The following CACNB2 variants were observed in gnomAD, a reference collection of about 807,000 sequenced individuals.
CACNB2 encodes the protein calcium voltage-gated channel auxiliary subunit beta 2.
CACNB2 carries 42 observed loss-of-function variants against 73.3 expected under a neutral mutation model. The ratio of observed to expected loss-of-function variants is 0.57; its 90% CI spans 0.45 to 0.74. The LOEUF (loss-of-function observed/expected upper bound fraction) is 0.74. CACNB2 is among the 30% of genes least tolerant of loss of function. CACNB2 has a pLI of 0.00. For missense variants in CACNB2, 940 were observed against 853.0 expected (o/e 1.10, Z -1.27); for synonymous variants, 348 against 310.3 (o/e 1.12, Z -1.28).
intron 1 of CACNB2, among the ~76,000 whole-genome samples, chr10:18,141,790 T>C (rs2030441974): frequency 6.6e-6 from 1 of 152,226 alleles, no homozygotes. Context: ...GACTCCTAGC[T>C]GCGGGCTGGC....
At chr10:18,437,520 A>T (rs902382725) in intron 3 of CACNB2, among the ~76,000 whole-genome samples, 1 of 152,214 alleles carries the variant, frequency 6.6e-6, no homozygotes, top group Non-Finnish European at 1.5e-5. Flanking sequence ...ACATGAGAAG[A>T]TCACAAAGGT....
chr10:18,464,542 G>A (rs980266928), intron 3 of CACNB2, among the ~76,000 whole-genome samples: 1 of 150,978 alleles, frequency 6.6e-6, no homozygotes, highest in African/African-American at 2.4e-5. Context: ...TACCCAAATC[G>A]GAGCACCTGA....
intron 2 of CACNB2, among the ~76,000 whole-genome samples, chr10:18,380,452 C>CTTTTTTTTT (rs757792853): frequency 1.8e-5 from 2 of 111,022 alleles, no homozygotes; most frequent in Non-Finnish European, 1.8e-5. Context: ...ATGTGTTTTT[C>CTTTTTTTTT]TTTTTTTTTT....
chr10:18,164,293 C>T (rs1317231941), intron 2 of CACNB2, among the ~76,000 whole-genome samples: 1 of 152,150 alleles, frequency 6.6e-6, no homozygotes, highest in South Asian at 2.1e-4. Flanking sequence ...GACTAATAGA[C>T]GTTTTCCCTT....
intron 3 of CACNB2, among the ~76,000 whole-genome samples, chr10:18,428,115 A>G (rs908328450): frequency 6.6e-6 from 1 of 152,150 alleles, no homozygotes; most frequent in Admixed American, 6.5e-5. Flanking sequence ...TGAGTTATCT[A>G]TAAGTGTGCT....
chr10:18,524,873 A>AG (rs1288219834), intron 9 of CACNB2, among the ~76,000 whole-genome samples: 1 of 149,890 alleles, frequency 6.7e-6, no homozygotes, highest in East Asian at 2.0e-4. Flanking sequence ...AAAAAAAAAA[A>AG]AAAAAAATTA....
intron 2 of CACNB2, among the ~76,000 whole-genome samples, chr10:18,267,312 A>G (rs1304231617): frequency 6.6e-6 from 1 of 152,146 alleles, no homozygotes; most frequent in Non-Finnish European, 1.5e-5. Context: ...ATTTTATTAA[A>G]ATTAAATAAG....
At chr10:18,372,378 G>A (rs2042623695) in intron 2 of CACNB2, among the ~76,000 whole-genome samples, 1 of 152,042 alleles carries the variant, frequency 6.6e-6, no homozygotes, top group African/African-American at 2.4e-5. Context: ...ATTAGTTTTT[G>A]TATAAGGTAT....
At chr10:18,397,650 G>A (rs577515361) in intron 2 of CACNB2, among the ~76,000 whole-genome samples, 5 of 149,600 alleles carry the variant, frequency 3.3e-5, no homozygotes, top group Non-Finnish European at 5.9e-5. Context: ...AGGAGATGGA[G>A]GTTGCAGTGA....
chr10:18,427,437 A>T (rs1233899279), intron 3 of CACNB2, among the ~76,000 whole-genome samples: 2 of 151,918 alleles, frequency 1.3e-5, no homozygotes, highest in African/African-American at 2.4e-5. Context: ...CTGGCCTCTA[A>T]TTTTCCTTTC....
At chr10:18,531,788 A>G (rs939763669) in intron 10 of CACNB2, 3 of 152,136 alleles carry the variant, frequency 2.0e-5, no homozygotes, top group Non-Finnish European at 2.9e-5. Context: ...TCTTTATCTA[A>G]GAGGAAACAT....
intron 2 of CACNB2, among the ~76,000 whole-genome samples, chr10:18,217,829 A>C (rs905638788): frequency 5.3e-5 from 8 of 152,048 alleles, no homozygotes; most frequent in Admixed American, 4.6e-4. Flanking sequence ...GAACCAGGCC[A>C]GTTCATGCAC....
intron 2 of CACNB2, among the ~76,000 whole-genome samples, chr10:18,285,265 C>T (rs1014351343): frequency 3.9e-5 from 6 of 152,198 alleles, no homozygotes; most frequent in Admixed American, 1.3e-4. Context: ...AAAGTTATGC[C>T]ATGTGACTTT....
intron 2 of CACNB2, among the ~76,000 whole-genome samples, chr10:18,385,643 C>CA (rs370371966): frequency 0.47 from 47,272 of 101,188 alleles, 9,713 homozygotes; most frequent in East Asian, 0.92. Context: ...AACTCCATCT[C>CA]AAAAAAAAAA....
Position 18,494,708 on chromosome 10 carries a change from A to G in CACNB2, c.334-3647A>G, listed in dbSNP as rs76421333. 7.3e-4 allele frequency among the ~76,000 whole-genome samples: 110 copies of G among 150,782 alleles called. 1 individual carries two copies. The South Asian group carries it at 0.019, about 26-fold the overall frequency. On this transcript the variant is annotated intron_variant, in intron 3 of 13. Transcript: ENST00000324631. ...ACCATGCTACAATTTTTTTTTTTAA[A>G]TCTTGGATCTATACTTTTGTGATCA...
rs140462720 is a variant in CACNB2 at position 18,360,045 on chromosome 10, A to C, written c.214-41879A>C. 3.2e-3 allele frequency among the ~76,000 whole-genome samples: 491 copies of C among 152,276 alleles called. 2 individuals are homozygous for C. The highest frequency in any genetic ancestry group is 0.011 in the African/African-American group (472 of 41,542). On this transcript the variant is annotated intron_variant, in intron 2 of 13. Transcript: ENST00000324631. ...AAGAACAGTACAGGAGCATAGGGTG[A>C]TCCAGCGTCACACAGAGCAGGTGCT...
Position 18,222,412 on chromosome 10 carries a change from A to ACACACACC in CACNB2, c.213+71444_213+71445insCCACACAC, listed in dbSNP as rs1261444094. ...TGATTGAAAACACACACACATACAC[A>ACACACACC]CACACACACACACACACAAATTCTG... On this transcript the variant is annotated intron_variant, in intron 2 of 13. Transcript: ENST00000324631. Among the ~76,000 whole-genome samples the ACACACACC allele has an allele frequency of 5.4e-5, 5 of 92,020 alleles. No individual in the cohort carries two copies. The South Asian group carries it at 1.8e-3, about 32-fold the overall frequency. 60.4% of individuals were successfully genotyped at this position (92,020 alleles called of 152,430 possible).
At chr10:18,183,642 C>A (rs2034001644) in intron 2 of CACNB2, among the ~76,000 whole-genome samples, 1 of 152,158 alleles carries the variant, frequency 6.6e-6, no homozygotes, top group Non-Finnish European at 1.5e-5. Context: ...GAAAAACCCA[C>A]CCCCATGATT....
chr10:18,172,322 C>T (rs1287088556), intron 2 of CACNB2, among the ~76,000 whole-genome samples: 2 of 152,188 alleles, frequency 1.3e-5, no homozygotes, highest in African/African-American at 2.4e-5. Context: ...CAAGATCATG[C>T]CACTGCACTC....
Sources: gnomAD v4.1 joint callset for allele counts (sites outside exome capture counted in the v4.1 genomes callset) on GRCh38, gnomAD v4.1.1 for gene constraint, MANE v1.5 for transcripts, NCBI Gene and HGNC (gene_info 2026-07-23, HGNC 2026-07-21) for gene names.